The following RANBP2 variants were observed in gnomAD, a reference collection of about 807,000 sequenced individuals.
The protein encoded by RANBP2 is RAN binding protein 2, also known as E3 SUMO-protein ligase RanBP2.
In RANBP2, 57 loss-of-function variants were observed where a neutral mutation model predicts 303.6. The observed-to-expected ratio is 0.19, with a 90% CI of 0.15 to 0.23. The LOEUF (loss-of-function observed/expected upper bound fraction) is 0.23, where lower values mean the gene tolerates loss of function less well. Among genes scored for constraint, RANBP2 ranks in the 10% least tolerant of loss-of-function variants. RANBP2 has a pLI of 1.00. For missense variants in RANBP2, 3,138 were observed against 3,780.8 expected (o/e 0.83, Z 4.46); for synonymous variants, 1,167 against 1,301.5 (o/e 0.90, Z 2.23).
At chr2:109,383,294 C>T in the RANBP2 span, among the ~76,000 whole-genome samples, 3 of 152,306 alleles carry the variant, frequency 2.0e-5, no homozygotes, top group Admixed American at 6.5e-5. Context: ...CCAAGCACAC[C>T]CATGTGGAGT....
chr2:109,471,443 T>C, the RANBP2 span, among the ~76,000 whole-genome samples: 2 of 152,126 alleles, frequency 1.3e-5, no homozygotes, highest in East Asian at 3.9e-4. Flanking sequence ...TCACTCACTA[T>C]CACAAGAACA....
the RANBP2 span, among the ~76,000 whole-genome samples, chr2:109,230,608 G>A: frequency 1.3e-5 from 2 of 152,112 alleles, no homozygotes; most frequent in Non-Finnish European, 1.5e-5. Flanking sequence ...AAAAGAAACT[G>A]TAACCCCATT....
rs1158073786 is a variant in RANBP2, at chr2:108,766,265, A to G, written c.5726A>G (p.Glu1909Gly). 2.5e-6 allele frequency: 4 copies of G among 1,612,198 alleles called. No homozygotes were observed. In the South Asian group the frequency reaches 3.3e-5, roughly 13 times the overall value. ...KFGISEPGNQ[E>G]KKSEKPLENG... ...GGCATTTCGGAACCAGGAAATCAAG[A>G]AAAGAAAAGTGAAAAGCCTCTTGAA... is the stretch of plus-strand genomic sequence containing the variant. The change falls in exon 20 of 29, where the codon GAA (glutamate) becomes GGA (glycine). Residue 1909 changes from glutamate (E) to glycine (G), a missense_variant. Around this residue, in one of 20 missense-constraint regions of RANBP2, gnomAD observed 348 missense variants for 360.4 expected, o/e 0.97. Coordinates refer to ENST00000283195, the MANE Select transcript of RANBP2 (RefSeq NM_006267.5).
the RANBP2 span, among the ~76,000 whole-genome samples, chr2:109,254,891 A>C: frequency 6.6e-6 from 1 of 152,146 alleles, no homozygotes; most frequent in Non-Finnish European, 1.5e-5. Context: ...GCTCAGCGAG[A>C]CAGTACGCTC....
At chr2:109,473,081 C>T in the RANBP2 span, among the ~76,000 whole-genome samples, 18 of 152,326 alleles carry the variant, frequency 1.2e-4, no homozygotes, top group East Asian at 3.1e-3. Context: ...ATGCGAGTCC[C>T]AAGAATCTAA....
the RANBP2 span, among the ~76,000 whole-genome samples, chr2:108,793,742 A>G: frequency 8.7e-5 from 13 of 149,908 alleles, no homozygotes; most frequent in African/African-American, 2.7e-4. Flanking sequence ...GACTACAGGC[A>G]CCCGCCATCA....
chr2:109,269,206 T>C, the RANBP2 span, among the ~76,000 whole-genome samples: 1 of 152,228 alleles, frequency 6.6e-6, no homozygotes, highest in Non-Finnish European at 1.5e-5. Flanking sequence ...ACCTTCGCCC[T>C]GGGAGCAGCT....
the RANBP2 span, among the ~76,000 whole-genome samples, chr2:108,917,157 G>A: frequency 1.3e-5 from 2 of 152,208 alleles, no homozygotes; most frequent in South Asian, 2.1e-4. Context: ...GAGGGAAGGT[G>A]CTTGTGGCAA....
rs532681375 is a variant in RANBP2 at position 108,752,971 on chromosome 2, T to C, written c.1756-27T>C. ...ATCTAATCATGCGTGTTCCTTAAAG[T>C]TGTGTGCTTTTAACTTTCTTTTTTA... On this transcript the variant is annotated intron_variant, in intron 12 of 28. Coordinates refer to ENST00000283195, the MANE Select transcript of RANBP2 (RefSeq NM_006267.5). The C allele has an allele frequency of 5.0e-6, 8 of 1,606,220 alleles. No individual in the cohort carries two copies. The South Asian group carries it at 8.9e-5, about 18-fold the overall frequency.
the RANBP2 span, among the ~76,000 whole-genome samples, chr2:108,965,725 G>A: frequency 6.6e-6 from 1 of 151,988 alleles, no homozygotes; most frequent in African/African-American, 2.4e-5. Context: ...TTTGATGTAG[G>A]AGAGGTGTGA....
At chr2:109,388,927 G>A in the RANBP2 span, among the ~76,000 whole-genome samples, 1 of 152,174 alleles carries the variant, frequency 6.6e-6, no homozygotes, top group Non-Finnish European at 1.5e-5. Context: ...TGAGGAGGTA[G>A]CAGGTGAGAA....
At chr2:109,141,474 C>T in the RANBP2 span, 2 of 154,956 alleles carry the variant, frequency 1.3e-5, no homozygotes, top group Middle Eastern at 1.2e-3. Context: ...AGGCACATGC[C>T]TGCCTTTCCC....
At chr2:109,729,967 G>T in the RANBP2 span, among the ~76,000 whole-genome samples, 1 of 152,184 alleles carries the variant, frequency 6.6e-6, no homozygotes, top group Non-Finnish European at 1.5e-5. Flanking sequence ...TGTCAAACAT[G>T]TATAAAACCA....
chr2:109,472,943 T>G, the RANBP2 span, among the ~76,000 whole-genome samples: 1 of 152,170 alleles, frequency 6.6e-6, no homozygotes, highest in Non-Finnish European at 1.5e-5. Context: ...TTTGAAGCAA[T>G]TTTAAATGAA....
chr2:109,462,647 G>A, the RANBP2 span, among the ~76,000 whole-genome samples: 1 of 152,192 alleles, frequency 6.6e-6, no homozygotes, highest in African/African-American at 2.4e-5. Flanking sequence ...CAGGTTAGTG[G>A]CTTCCACTGG....
At chr2:109,553,864 A>G in the RANBP2 span, among the ~76,000 whole-genome samples, 1 of 152,188 alleles carries the variant, frequency 6.6e-6, no homozygotes, top group Admixed American at 6.5e-5. Flanking sequence ...AAAAAAAAAA[A>G]AAAAGTGATA....
At chr2:108,731,283 A>C (rs945033317) in intron 3 of RANBP2, 39 bp from the exon 4 acceptor site, 8 of 1,602,276 alleles carry the variant, frequency 5.0e-6, no homozygotes, top group South Asian at 4.4e-5. Flanking sequence ...ACATACATAC[A>C]ATTTATTTAC....
At chr2:109,691,863 A>G in the RANBP2 span, among the ~76,000 whole-genome samples, 1 of 132,446 alleles carries the variant, frequency 7.6e-6, no homozygotes, top group Non-Finnish European at 1.6e-5. Context: ...GCTCATTGCA[A>G]ACTCCACCTC....
chr2:109,613,652 G>C, the RANBP2 span: 1 of 522,158 alleles, frequency 1.9e-6, no homozygotes, highest in East Asian at 4.5e-5. Context: ...GGCCGCCGCG[G>C]AAGCCGGGGA....
Sources: gnomAD v4.1 joint callset for allele counts (sites outside exome capture counted in the v4.1 genomes callset) on GRCh38, gnomAD v4.1.1 for gene constraint, gnomAD v4.1.1 regional missense constraint, MANE v1.5 for transcripts, NCBI Gene and HGNC (gene_info 2026-07-23, HGNC 2026-07-21) for gene names.